NTN4: variants seen among roughly 807,000 people sequenced by gnomAD.
NTN4 encodes the protein netrin-4.
NTN4 carries 32 observed loss-of-function variants against 73.6 expected under a neutral mutation model. That is an observed-to-expected ratio of 0.44 (90% CI 0.33 to 0.58). The LOEUF (loss-of-function observed/expected upper bound fraction) is 0.58, where lower values mean the gene tolerates loss of function less well. Ranked by LOEUF, NTN4 falls within the 20% of genes least tolerant of loss-of-function variation. The probability of loss-of-function intolerance (pLI) is 0.04; values close to 1 mark genes in which losing one functional copy is unlikely to be tolerated. For synonymous variants in NTN4, 258 were observed against 287.5 expected (o/e 0.90, Z 1.04); for missense variants, 654 against 798.3 (o/e 0.82, Z 2.18).
chr12:95,689,668 C>G (rs2078387586), intron 5 of NTN4, among the ~76,000 whole-genome samples: 1 of 152,190 alleles, frequency 6.6e-6, no homozygotes, highest in African/African-American at 2.4e-5. Flanking sequence ...AACACCCTTT[C>G]CTCTGCCACC....
intron 3 of NTN4, among the ~76,000 whole-genome samples, chr12:95,729,047 G>GAAC (rs1328550402): frequency 6.6e-6 from 1 of 152,146 alleles, no homozygotes; most frequent in Non-Finnish European, 1.5e-5. Flanking sequence ...ACAGCCTGCA[G>GAAC]AACCATGAGC....
Position 95,787,271 on chromosome 12 carries a change from G to C in NTN4, c.253C>G (p.Pro85Ala), listed in dbSNP as rs778732654. 1.2e-6 allele frequency: 2 copies of C among 1,614,218 alleles called. No homozygotes were observed. The highest frequency in any genetic ancestry group is 1.1e-5 in the South Asian group (1 of 91,086). Residue 85 changes from proline to alanine, a missense_variant, in exon 2 of 10, where the codon CCT (proline) becomes GCT (alanine). Coordinates refer to ENST00000343702, the MANE Select transcript of NTN4 (RefSeq NM_021229.4). ...GCAGATGGCAGGTGAGCCAGGTGAG[G>C]ATAGGCAGCATTGCACTTGTCACAT... The part of the protein sequence containing the change: ...PKCDKCNAAY[P>A]HLAHLPSAMA...
At chr12:95,670,291 G>A (rs1009959125) in intron 7 of NTN4, 145 bp from the exon 8 acceptor site, 13 of 454,922 alleles carry the variant, frequency 2.9e-5, no homozygotes, top group African/African-American at 1.4e-4. Context: ...AAGGAACCAC[G>A]AAAGTCATTC....
intron 5 of NTN4, among the ~76,000 whole-genome samples, chr12:95,693,747 A>G (rs1350302597): frequency 2.0e-5 from 3 of 151,658 alleles, no homozygotes; most frequent in Admixed American, 1.3e-4. Flanking sequence ...AAAAAAAAAA[A>G]AAAAGAAAAA....
chr12:95,665,901 T>C lies in NTN4; in HGVS notation c.1659A>G (p.Lys553=). ...EVNVKIKKVL[K]STKLKIFRGK... ...CTCGGAAAATCTTCAGTTTGGTAGATTTTAAGACCTTTTTAATCTTCACAT... is the reference window on the plus strand; with the variant it reads ...CTCGGAAAATCTTCAGTTTGGTAGACTTTAAGACCTTTTTAATCTTCACAT... The change falls in exon 9 of 10, where the codon AAA becomes AAG. Residue 553 remains lysine (K), a synonymous_variant. Coordinates refer to ENST00000343702, the MANE Select transcript of NTN4 (RefSeq NM_021229.4). 1 of 1,613,766 alleles carries C rather than the reference T, an allele frequency of 6.2e-7. No homozygotes were observed. Among genetic ancestry groups the C allele is most frequent in the Non-Finnish European group, 8.5e-7 (1 of 1,179,676 alleles).
At chr12:95,732,395 T>TC (rs1358396948) in intron 3 of NTN4, among the ~76,000 whole-genome samples, 2 of 121,528 alleles carry the variant, frequency 1.6e-5, no homozygotes, top group African/African-American at 3.1e-5. Flanking sequence ...TCTTTCTTCC[T>TC]CTTTTTTTTT....
At chr12:95,676,179 C>G (rs1412530834) in intron 7 of NTN4, among the ~76,000 whole-genome samples, 2 of 152,192 alleles carry the variant, frequency 1.3e-5, no homozygotes, top group Non-Finnish European at 2.9e-5. Flanking sequence ...TCTCACTTTA[C>G]TGCAACCTCT....
chr12:95,783,556 T>A (rs2079147271), intron 2 of NTN4, among the ~76,000 whole-genome samples: 1 of 152,176 alleles, frequency 6.6e-6, no homozygotes. Flanking sequence ...GAGGGAGATA[T>A]AAGATATTCC....
chr12:95,739,394 A>T (rs1484810458), intron 2 of NTN4, among the ~76,000 whole-genome samples: 1 of 152,240 alleles, frequency 6.6e-6, no homozygotes, highest in Non-Finnish European at 1.5e-5. Flanking sequence ...ATTCTGTCCC[A>T]TTTATCCACA....
At chr12:95,746,388 C>A (rs1374197420) in intron 2 of NTN4, among the ~76,000 whole-genome samples, 2 of 18,252 alleles carry the variant, frequency 1.1e-4, no homozygotes, top group Middle Eastern at 0.026. Flanking sequence ...TTAACTAGAC[C>A]CCCCCCTCCC....
At chr12:95,710,795 G>A (rs1363091825) in intron 4 of NTN4, among the ~76,000 whole-genome samples, 166 bp from the exon 5 acceptor site, 1 of 152,166 alleles carries the variant, frequency 6.6e-6, no homozygotes, top group Non-Finnish European at 1.5e-5. Context: ...CCTGAGGCCA[G>A]GAGTTTGAGA....
rs527598981 is a variant in NTN4 at position 95,765,672 on chromosome 12, C to T, written c.585+21267G>A. 7.2e-3 allele frequency among the ~76,000 whole-genome samples: 1,093 copies of T among 152,166 alleles called. 7 individuals are homozygous for T. The highest frequency in any genetic ancestry group is 9.4e-3 in the Non-Finnish European group (640 of 68,020). On this transcript the variant is annotated intron_variant, in intron 2 of 9. Coordinates refer to ENST00000343702, the MANE Select transcript of NTN4 (RefSeq NM_021229.4). ...CATATAGAGGCACCCACATATTTGTCGAGTGACAGGATGAACTGGCCCCAA... is the reference window on the plus strand; with the variant it reads ...CATATAGAGGCACCCACATATTTGTTGAGTGACAGGATGAACTGGCCCCAA...
chr12:95,738,074 AGCT>A lies in NTN4; in HGVS notation c.653_655del (p.Gln218del). On this transcript the variant is annotated inframe_deletion, in exon 3 of 10. Coordinates refer to ENST00000343702, the MANE Select transcript of NTN4 (RefSeq NM_021229.4). Reference sequence around the variant, plus strand: ...CTGCACGCGAAGGTTGGTGATCTTCAGCTGCTCCTGAACTTTGGCACTGTAAGG... The same window carrying A: ...CTGCACGCGAAGGTTGGTGATCTTCAGCTCCTGAACTTTGGCACTGTAAGG... The A allele has an allele frequency of 6.2e-7, 1 of 1,614,162 alleles. No homozygotes were observed. The highest frequency in any genetic ancestry group is 8.5e-7 in the Non-Finnish European group (1 of 1,179,984).
chr12:95,723,892 T>C (rs920447474), intron 3 of NTN4, among the ~76,000 whole-genome samples: 2 of 152,234 alleles, frequency 1.3e-5, no homozygotes, highest in Non-Finnish European at 2.9e-5. Context: ...CTTACTGGCC[T>C]GTCATTCATT....
At chr12:95,780,645 G>A (rs2079125717) in intron 2 of NTN4, among the ~76,000 whole-genome samples, 1 of 133,770 alleles carries the variant, frequency 7.5e-6, no homozygotes. Flanking sequence ...AAAAAGCCAG[G>A]AAACAACAGG....
intron 5 of NTN4, among the ~76,000 whole-genome samples, chr12:95,685,216 A>G (rs2078352566): frequency 6.6e-6 from 1 of 152,170 alleles, no homozygotes; most frequent in South Asian, 2.1e-4. Context: ...AAATAATAAT[A>G]TTTCTCACAG....
At chr12:95,669,570 T>C (rs1259942146) in intron 8 of NTN4, among the ~76,000 whole-genome samples, 1 of 142,486 alleles carries the variant, frequency 7.0e-6, no homozygotes, top group East Asian at 2.1e-4. Context: ...ATTTTACAGA[T>C]GAGGAAACAA....
chr12:95,774,198 A>G (rs112432639), intron 2 of NTN4, among the ~76,000 whole-genome samples: 18,460 of 147,430 alleles, frequency 0.13, 1,515 homozygotes, highest in Non-Finnish European at 0.18. Context: ...AAAAAAAAAG[A>G]TTGGCATTAT....
At chr12:95,750,790 G>C (rs1365504828) in intron 2 of NTN4, among the ~76,000 whole-genome samples, 1 of 152,092 alleles carries the variant, frequency 6.6e-6, no homozygotes, top group Non-Finnish European at 1.5e-5. Context: ...GGCCGAGCTA[G>C]GTCCCAATTC....
Sources: gnomAD v4.1 joint callset for allele counts (sites outside exome capture counted in the v4.1 genomes callset) on GRCh38, gnomAD v4.1.1 for gene constraint, MANE v1.5 for transcripts, NCBI Gene and HGNC (gene_info 2026-07-23, HGNC 2026-07-21) for gene names.